The following JPH2 variants were observed in gnomAD, a reference collection of about 807,000 sequenced individuals.
JPH2 encodes junctophilin-2.
Under a neutral mutation model 55.9 loss-of-function variants are expected in JPH2, and 38 were observed. The observed-to-expected ratio is 0.68, with a 90% confidence interval of 0.52 to 0.89. The LOEUF (loss-of-function observed/expected upper bound fraction) is 0.89. JPH2 is among the 40% of genes least tolerant of loss of function. JPH2 has a pLI of 0.00. For synonymous variants in JPH2, 480 were observed against 472.4 expected, an observed-to-expected ratio of 1.02 and a Z score of -0.21; for missense variants, 964 against 1,037.6, an observed-to-expected ratio of 0.93 and a Z score of 0.97.
chr20:44,117,065 G>A (rs2072198242), intron 3 of JPH2, among the ~76,000 whole-genome samples: 1 of 152,242 alleles, frequency 6.6e-6, no homozygotes, highest in African/African-American at 2.4e-5. Flanking sequence ...CGGATCACAA[G>A]GTCAGGAGAT....
At chr20:44,178,361 T>C (rs922631275) in intron 1 of JPH2, among the ~76,000 whole-genome samples, 5 of 152,046 alleles carry the variant, frequency 3.3e-5, no homozygotes, top group African/African-American at 1.2e-4. Flanking sequence ...GCACAGAAAA[T>C]AAAATATCTA....
intron 1 of JPH2, chr20:44,176,982 C>T: frequency 1.0e-6 from 1 of 985,506 alleles, no homozygotes; most frequent in East Asian, 1.1e-4. Flanking sequence ...AGGAAGACCT[C>T]CAGGCACAAG....
At chr20:44,134,377 A>ATAATATATATTTAT (rs2072371166) in intron 2 of JPH2, among the ~76,000 whole-genome samples, 1 of 42,954 alleles carries the variant, frequency 2.3e-5, no homozygotes, top group African/African-American at 1.2e-4. Flanking sequence ...TTATAAATAT[A>ATAATATATATTTAT]TATAAATAAA....
chr20:44,184,991 G>T (rs1383423094), intron 1 of JPH2, among the ~76,000 whole-genome samples: 1 of 152,142 alleles, frequency 6.6e-6, no homozygotes, highest in Non-Finnish European at 1.5e-5. Context: ...GCCCAGGCTG[G>T]TGTTGAACTC....
intron 2 of JPH2, among the ~76,000 whole-genome samples, chr20:44,138,033 A>T (rs979330070): frequency 6.9e-6 from 1 of 144,028 alleles, no homozygotes; most frequent in African/African-American, 2.6e-5. Context: ...TTTGAGACGG[A>T]GTCTTGCCCT....
intron 1 of JPH2, among the ~76,000 whole-genome samples, chr20:44,185,329 C>G (rs2072825156): frequency 6.6e-6 from 1 of 151,754 alleles, no homozygotes; most frequent in East Asian, 1.9e-4. Context: ...AAAGGAAACA[C>G]AAAAGGAATG....
chr20:44,134,064 A>AATATATATTTATT lies in JPH2; in HGVS notation c.1170-15442_1170-15441insAATAAATATATAT, dbSNP rs1157010395. On this transcript the variant is annotated intron_variant, in intron 2 of 5. Coordinates refer to ENST00000372980, the MANE Select transcript of JPH2 (RefSeq NM_020433.5). The stretch of plus-strand genomic sequence containing the variant: ...TATATATAAATATATATTTATTATA[A>AATATATATTTATT]ATATATAAATATATATTTATTATAA... Among the ~76,000 whole-genome samples, 31 of 21,040 alleles carry AATATATATTTATT rather than the reference A, an allele frequency of 1.5e-3. 9 individuals are homozygous for AATATATATTTATT. Among genetic ancestry groups the AATATATATTTATT allele is most frequent in the South Asian group, 8.0e-3 (5 of 624 alleles). The allele number at this position is 21,040 out of a possible 152,430, so 13.8% of individuals were successfully genotyped here. A position where few individuals can be genotyped will look rare whatever the true frequency, so the allele number is the denominator to read the frequency against.
rs1178706416 is a variant in JPH2, at chr20:44,109,738, A to G, written c.*3780T>C. On this transcript the variant is annotated 3_prime_UTR_variant, in exon 6 of 6. Transcript: ENST00000372980. ...CACTTATTTGGGGGAGAGCATCTTC[A>G]TATCAGTTTTTCAGGCATGGCACCT... Among the ~76,000 whole-genome samples, 1 of 152,154 alleles carries G rather than the reference A, an allele frequency of 6.6e-6. No homozygotes were observed. The highest frequency in any genetic ancestry group is 1.5e-5 in the Non-Finnish European group (1 of 68,024).
chr20:44,145,493 A>T (rs2072487610), intron 2 of JPH2, among the ~76,000 whole-genome samples: 1 of 151,802 alleles, frequency 6.6e-6, no homozygotes, highest in South Asian at 2.1e-4. Context: ...AATCCCAGCT[A>T]CTCGGGAGGC....
At chr20:44,134,434 AAT>A (rs1569194102) in intron 2 of JPH2, among the ~76,000 whole-genome samples, 1 of 3,124 alleles carries the variant, frequency 3.2e-4, no homozygotes, top group Non-Finnish European at 5.2e-4. Flanking sequence ...ATTTATTATA[AAT>A]ATATATAAAT....
intron 1 of JPH2, among the ~76,000 whole-genome samples, chr20:44,184,734 G>C (rs1379939368): frequency 1.3e-5 from 2 of 152,084 alleles, no homozygotes; most frequent in African/African-American, 4.8e-5. Context: ...CTACCCTCAT[G>C]CTTCTGAGCC....
chr20:44,114,934 C>T (rs2072176128), intron 4 of JPH2, 58 bp from the exon 5 acceptor site: 2 of 1,361,922 alleles, frequency 1.5e-6, no homozygotes, highest in Non-Finnish European at 2.1e-6. Context: ...CACCCCCCAC[C>T]CAGGTCACAG....
rs531518752 is a variant in JPH2 at position 44,151,610 on chromosome 20, C to T, written c.1169+8008G>A. 3.3e-5 allele frequency among the ~76,000 whole-genome samples: 5 copies of T among 152,320 alleles called. No homozygotes were observed. The South Asian group carries it at 8.3e-4, about 25-fold the overall frequency. On this transcript the variant is annotated intron_variant, in intron 2 of 5. Transcript: ENST00000372980. ...TTAGCTAGGAAGGGGCAGCTTCCCC[C>T]AAGAGGGCTTGCAGAGACCGGGGAG...
chr20:44,134,440 T>A (rs867013942), intron 2 of JPH2, among the ~76,000 whole-genome samples: 1 of 732 alleles, frequency 1.4e-3, no homozygotes, highest in Non-Finnish European at 2.9e-3. Context: ...TATAAATATA[T>A]ATAAATATAT....
chr20:44,172,835 T>C (rs1333846653), intron 1 of JPH2, among the ~76,000 whole-genome samples: 1 of 152,160 alleles, frequency 6.6e-6, no homozygotes, highest in East Asian at 1.9e-4. Flanking sequence ...ATTGCAAATG[T>C]GCCACACAGC....
intron 1 of JPH2, among the ~76,000 whole-genome samples, chr20:44,162,787 T>TACATACACACACAC (rs2072623374): frequency 2.4e-5 from 1 of 41,006 alleles, no homozygotes; most frequent in East Asian, 5.8e-4. Context: ...TATATATATA[T>TACATACACACACAC]ACACACACAC....
intron 3 of JPH2, among the ~76,000 whole-genome samples, chr20:44,117,293 AC>A (rs1457795822): frequency 6.6e-6 from 1 of 152,194 alleles, no homozygotes; most frequent in Non-Finnish European, 1.5e-5. Context: ...AAACAAAAAA[AC>A]AAAACCTTCA....
chr20:44,170,337 A>G (rs1282597473), intron 1 of JPH2, among the ~76,000 whole-genome samples: 1 of 152,200 alleles, frequency 6.6e-6, no homozygotes, highest in African/African-American at 2.4e-5. Flanking sequence ...TCTTGTCTTT[A>G]TCTTGCCTGT....
intron 1 of JPH2, among the ~76,000 whole-genome samples, chr20:44,173,705 G>A (rs903003316): frequency 6.6e-6 from 1 of 152,148 alleles, no homozygotes; most frequent in Non-Finnish European, 1.5e-5. Flanking sequence ...CACGAGGTCA[G>A]GAGTTCAAGA....
Sources: allele counts gnomAD v4.1 joint callset (sites outside exome capture counted in the v4.1 genomes callset), GRCh38; gene constraint gnomAD v4.1.1; transcripts MANE v1.5; gene names NCBI Gene and HGNC (gene_info 2026-07-23, HGNC 2026-07-21).